The following RASGRP3 variants were observed in gnomAD, a reference collection of about 807,000 sequenced individuals.
The protein encoded by RASGRP3 is ras guanyl-releasing protein 3.
In RASGRP3, 54 loss-of-function variants were observed where a neutral mutation model predicts 82.7. The ratio of observed to expected loss-of-function variants is 0.65; its 90% confidence interval spans 0.52 to 0.82. RASGRP3 has a LOEUF of 0.82. Among genes scored for constraint, RASGRP3 ranks in the 40% least tolerant of loss-of-function variants. RASGRP3 has a pLI of 0.00. For synonymous variants in RASGRP3, 309 were observed against 300.5 expected (o/e 1.03, Z -0.29); for missense variants, 861 against 828.9 (o/e 1.04, Z -0.48).
chr2:33,549,155 C>G lies in RASGRP3; in HGVS notation c.1395-449C>G, dbSNP rs143775293. ...CACTAAGATATGAGTGAAAATATCA[C>G]CAAGGAGCCCGGACAGCATCAAGCT... On this transcript the variant is annotated intron_variant, in intron 13 of 17. Transcript: ENST00000403687. Among the ~76,000 whole-genome samples the G allele has an allele frequency of 2.1e-3, 316 of 152,202 alleles. 2 individuals carry two copies. Among genetic ancestry groups the G allele is most frequent in the African/African-American group, 7.3e-3 (302 of 41,506 alleles).
intron 8 of RASGRP3, 66 bp from the exon 9 acceptor site, chr2:33,524,366 T>A (rs1329003405): frequency 9.3e-7 from 1 of 1,077,884 alleles, no homozygotes; most frequent in East Asian, 2.6e-5. Context: ...ATAAATTTAC[T>A]TGTAATTCAG....
At chr2:33,468,818 G>A (rs568036801) in intron 2 of RASGRP3, among the ~76,000 whole-genome samples, 2 of 152,114 alleles carry the variant, frequency 1.3e-5, no homozygotes, top group African/African-American at 2.4e-5. Flanking sequence ...GTAATGCTGC[G>A]TGAAATATCC....
intron 1 of RASGRP3, among the ~76,000 whole-genome samples, chr2:33,510,071 CTTGTA>C (rs1670789397): frequency 6.6e-6 from 1 of 152,206 alleles, no homozygotes; most frequent in South Asian, 2.1e-4. Flanking sequence ...ACAATTAACA[CTTGTA>C]TTCATGAAGG....
At chr2:33,496,035 T>C in intron 1 of RASGRP3, among the ~76,000 whole-genome samples, 1 of 152,226 alleles carries the variant, frequency 6.6e-6, no homozygotes, top group East Asian at 1.9e-4. Flanking sequence ...ATTTGCACAA[T>C]TAATTCAAAA....
intron 2 of RASGRP3, among the ~76,000 whole-genome samples, chr2:33,464,273 C>T (rs138783598): frequency 0.013 from 1,972 of 150,582 alleles, 46 homozygotes; most frequent in African/African-American, 0.045. Flanking sequence ...GACATGCCAC[C>T]ACACCTGGCT....
intron 2 of RASGRP3, among the ~76,000 whole-genome samples, chr2:33,462,210 C>T (rs915102790): frequency 6.6e-6 from 1 of 152,036 alleles, no homozygotes; most frequent in African/African-American, 2.4e-5. Flanking sequence ...CATTCTCCAG[C>T]CAGTGCTAGT....
At chr2:33,516,103 A>C (rs1671436177) in intron 3 of RASGRP3, among the ~76,000 whole-genome samples, 1 of 152,270 alleles carries the variant, frequency 6.6e-6, no homozygotes, top group East Asian at 1.9e-4. Context: ...TACTAGCCGA[A>C]GTAGGAGGTA....
In RASGRP3 at chr2:33,524,547, AG is replaced by A; in HGVS notation, c.807+1del. The A allele has an allele frequency of 1.3e-6, 2 of 1,570,984 alleles. No individual in the cohort carries two copies. Among genetic ancestry groups the A allele is most frequent in the Non-Finnish European group, 1.7e-6 (2 of 1,152,172 alleles). ...THSHLSSEVT[K>X]NWNEMTELVS... ...TCTCATCTTTCTTCAGAAGTTACAA[AG>A]GTATAGTAGACTTGATCCTAATCAA... On this transcript the variant is annotated frameshift_variant and splice_region_variant, in exon 9 of 18. Coordinates refer to ENST00000403687, the MANE Select transcript of RASGRP3 (RefSeq NM_001139488.2). LOFTEE classifies it high-confidence loss of function.
At chr2:33,447,848 C>G (rs1665584266) in exon 2 of RASGRP3, 1 of 152,182 alleles carries the variant, frequency 6.6e-6, no homozygotes, top group Admixed American at 6.5e-5. Flanking sequence ...ATCCATATCT[C>G]TTCTTTGCCA....
At chr2:33,491,063 C>T (rs1471995812) in intron 1 of RASGRP3, among the ~76,000 whole-genome samples, 1 of 152,126 alleles carries the variant, frequency 6.6e-6, no homozygotes, top group Non-Finnish European at 1.5e-5. Flanking sequence ...TGCCTGTAAT[C>T]CCAGCACTTT....
intron 1 of RASGRP3, among the ~76,000 whole-genome samples, chr2:33,441,504 TA>T: frequency 6.6e-6 from 1 of 152,334 alleles, no homozygotes; most frequent in South Asian, 2.1e-4. Flanking sequence ...TAGGAATCTC[TA>T]AATAGCAAAT....
chr2:33,536,681 C>A (rs912803150), intron 11 of RASGRP3, among the ~76,000 whole-genome samples: 7 of 152,140 alleles, frequency 4.6e-5, no homozygotes, highest in African/African-American at 1.4e-4. Context: ...GAATCTAACA[C>A]AAGACATTTC....
intron 14 of RASGRP3, 133 bp downstream of exon 14, chr2:33,549,884 A>G: frequency 8.7e-7 from 1 of 1,147,718 alleles, no homozygotes; most frequent in Non-Finnish European, 1.2e-6. Flanking sequence ...GGCTCCCTGA[A>G]ATTGAAGATT....
chr2:33,523,816 T>A (rs1322967786), intron 7 of RASGRP3, 63 bp from the exon 8 acceptor site: 46 of 1,416,672 alleles, frequency 3.2e-5, no homozygotes, highest in Non-Finnish European at 4.2e-5. Flanking sequence ...TATGCAATAT[T>A]CTAATTTTTG....
intron 2 of RASGRP3, among the ~76,000 whole-genome samples, chr2:33,460,992 G>A (rs11124317): frequency 0.82 from 125,508 of 152,138 alleles, 51,981 homozygotes; most frequent in African/African-American, 0.88. Flanking sequence ...GATAGTTTTC[G>A]AGTGTTGCAA....
chr2:33,448,961 A>G (rs1472839018), intron 2 of RASGRP3, among the ~76,000 whole-genome samples: 1 of 152,258 alleles, frequency 6.6e-6, no homozygotes, highest in East Asian at 1.9e-4. Flanking sequence ...CATATAGTAA[A>G]TGTTTAAGTA....
At chr2:33,559,071 A>G in intron 17 of RASGRP3, 41 bp downstream of exon 17, 1 of 1,489,844 alleles carries the variant, frequency 6.7e-7, no homozygotes, top group Non-Finnish European at 9.0e-7. Flanking sequence ...CAGAAGAAGG[A>G]GGCTGAAAGT....
At chr2:33,449,724 A>C (rs181513966) in intron 2 of RASGRP3, among the ~76,000 whole-genome samples, 18 of 151,998 alleles carry the variant, frequency 1.2e-4, no homozygotes, top group Non-Finnish European at 2.5e-4. Flanking sequence ...ACACCACTGC[A>C]CTCCAGCCTG....
At chr2:33,522,510 T>C (rs1315755196) in intron 7 of RASGRP3, among the ~76,000 whole-genome samples, 1 of 152,210 alleles carries the variant, frequency 6.6e-6, no homozygotes, top group Non-Finnish European at 1.5e-5. Flanking sequence ...AGGTTGAAAA[T>C]AGGAATTGTA....
Sources: gnomAD v4.1 joint callset for allele counts (sites outside exome capture counted in the v4.1 genomes callset) on GRCh38, gnomAD v4.1.1 for gene constraint, MANE v1.5 for transcripts, NCBI Gene and HGNC (gene_info 2026-07-23, HGNC 2026-07-21) for gene names.